Variants in RBM25 observed in about 807,000 individuals in gnomAD.
RBM25 encodes RNA-binding protein 25.
A neutral mutation model predicts 120.7 loss-of-function variants in RBM25; 19 were observed. The observed-to-expected ratio is 0.16, with a 90% CI of 0.11 to 0.23. RBM25 has a LOEUF of 0.23. Among genes scored for constraint, RBM25 ranks in the 10% least tolerant of loss-of-function variants. The pLI is 1.00. For missense variants in RBM25, 605 were observed against 1,041.5 expected, an observed-to-expected ratio of 0.58 and a Z score of 5.77; for synonymous variants, 390 against 326.7, an observed-to-expected ratio of 1.19 and a Z score of -2.09.
At chr14:73,112,481 A>G (rs904356452) in intron 17 of RBM25, among the ~76,000 whole-genome samples, 1 of 152,068 alleles carries the variant, frequency 6.6e-6, no homozygotes, top group Non-Finnish European at 1.5e-5. Context: ...ATCCAACTTC[A>G]GACTCCTCAC....
At chr14:73,068,432 T>G in intron 1 of RBM25, 1 of 707,990 alleles carries the variant, frequency 1.4e-6, no homozygotes. Context: ...CTGAGACTTA[T>G]TCAGACTACC....
At chr14:73,110,619 G>T (rs1896291804) in intron 14 of RBM25, among the ~76,000 whole-genome samples, 1 of 151,998 alleles carries the variant, frequency 6.6e-6, no homozygotes, top group South Asian at 2.1e-4. Flanking sequence ...AGTAAAGACA[G>T]CGTTTCACCA....
intron 1 of RBM25, among the ~76,000 whole-genome samples, chr14:73,067,624 AAC>A (rs888788962): frequency 6.2e-5 from 8 of 128,354 alleles, no homozygotes; most frequent in African/African-American, 2.4e-4. Flanking sequence ...TTTTTTTTGA[AAC>A]AGAGTCTCGC....
intron 1 of RBM25, chr14:73,065,203 C>T (rs1449091796): frequency 7.0e-6 from 1 of 141,940 alleles, no homozygotes; most frequent in Non-Finnish European, 1.6e-5. Flanking sequence ...GATCTCGGCT[C>T]ACTGCAACCT....
In RBM25 at chr14:73,079,980, G is replaced by A. The variant is rs147051065; in HGVS notation, c.324+2444G>A. 2.3e-3 allele frequency among the ~76,000 whole-genome samples: 342 copies of A among 150,422 alleles called. 6 individuals carry two copies. Among genetic ancestry groups the A allele is most frequent in the African/African-American group, 7.8e-3 (321 of 41,320 alleles). ...TTCAGGAAAGTCAGAAGGTACTGGA[G>A]TATAGAAATGTGTTTGCTCCTGTCT... On this transcript the variant is annotated intron_variant, in intron 4 of 18. Coordinates refer to ENST00000261973, the MANE Select transcript of RBM25 (RefSeq NM_021239.3).
At chr14:73,107,483 T>G (rs377036075) in intron 12 of RBM25, 16 of 230,882 alleles carry the variant, frequency 6.9e-5, no homozygotes, top group South Asian at 2.4e-4. Context: ...TGTAGAGAGA[T>G]AGCTGCACAG....
At chr14:73,104,311 C>T (rs362426) in intron 10 of RBM25, among the ~76,000 whole-genome samples, 1,724 of 151,664 alleles carry the variant, frequency 0.011, 30 homozygotes, top group African/African-American at 0.037. Flanking sequence ...ACCTCTGGCT[C>T]CTAGTAATTT....
At chr14:73,094,705 T>G (rs1305230087) in intron 6 of RBM25, among the ~76,000 whole-genome samples, 1 of 152,146 alleles carries the variant, frequency 6.6e-6, no homozygotes, top group Non-Finnish European at 1.5e-5. Context: ...TTTGTATTTT[T>G]TTAGTAGAGA....
chr14:73,107,666 G>A (rs562222304), intron 12 of RBM25, 160 bp from the exon 13 acceptor site: 2 of 609,532 alleles, frequency 3.3e-6, no homozygotes, highest in East Asian at 5.9e-5. Context: ...TATTGAAACG[G>A]CCATGTTTGT....
At chr14:73,107,712 C>T (rs1267311498) in intron 12 of RBM25, 114 bp from the exon 13 acceptor site, 14 of 743,916 alleles carry the variant, frequency 1.9e-5, no homozygotes, top group Non-Finnish European at 3.2e-5. Context: ...CTATAAGTCT[C>T]CCTCTTACTC....
Position 73,111,052 on chromosome 14 carries a change from T to G in RBM25, c.1914T>G (p.Pro638=). The G allele has an allele frequency of 6.2e-7, 1 of 1,614,172 alleles. No homozygotes were observed. The highest frequency in any genetic ancestry group is 1.1e-5 in the South Asian group (1 of 91,078). Residue 638 remains proline, a synonymous_variant, in exon 15 of 19, where the codon CCT becomes CCG. Coordinates refer to ENST00000261973, the MANE Select transcript of RBM25 (RefSeq NM_021239.3). The stretch of plus-strand genomic sequence containing the variant: ...GTGGCAATGCAACACCTAACACTCC[T>G]GGGGATGAGTCTCCCTGTGGTATTA... ...SASGNATPNT[P]GDESPCGIII...
At chr14:73,074,383 C>G (rs1020032148) in intron 2 of RBM25, among the ~76,000 whole-genome samples, 1 of 152,092 alleles carries the variant, frequency 6.6e-6, no homozygotes, top group Non-Finnish European at 1.5e-5. Context: ...CCATGACTGA[C>G]TCAGATCCGT....
At chr14:73,095,211 C>A (rs1460602528) in intron 6 of RBM25, among the ~76,000 whole-genome samples, 1 of 151,980 alleles carries the variant, frequency 6.6e-6, no homozygotes, top group African/African-American at 2.4e-5. Flanking sequence ...TGTGTCATAA[C>A]CCATCTGTTA....
intron 1 of RBM25, among the ~76,000 whole-genome samples, chr14:73,062,064 G>A (rs115914183): frequency 0.022 from 3,298 of 151,326 alleles, 152 homozygotes; most frequent in African/African-American, 0.072. Flanking sequence ...GATCAGTAGC[G>A]TGCTGCAGCC....
In RBM25 at chr14:73,111,025, C is replaced by G; in HGVS notation, c.1887C>G (p.Ala629=). Reference sequence around the variant, plus strand: ...GCTCTGCTCCATCTGTTTCCTCTGCCAGTGGCAATGCAACACCTAACACTC... The same window carrying G: ...GCTCTGCTCCATCTGTTTCCTCTGCGAGTGGCAATGCAACACCTAACACTC... ...PISSAPSVSS[A]SGNATPNTPG... is the part of the protein sequence containing the mutation. Residue 629 remains alanine (A), a synonymous_variant, in exon 15 of 19, where the codon GCC becomes GCG. Coordinates refer to ENST00000261973, the MANE Select transcript of RBM25 (RefSeq NM_021239.3). 6.2e-7 allele frequency: 1 copy of G among 1,614,162 alleles called. No individual in the cohort carries two copies. The highest frequency in any genetic ancestry group is 8.5e-7 in the Non-Finnish European group (1 of 1,180,036).
At position 73,115,185 on chromosome 14, in the gene RBM25, TG is replaced by T. The variant is rs879343594; in HGVS notation, c.2439+853del. ...GTGTGTGTGTGTGTGTGTGTGTGTG[TG>T]TGTTTTAAGTCGGATACATGTGCAG... is the stretch of plus-strand genomic sequence containing the variant. On this transcript the variant is annotated intron_variant, in intron 18 of 18. Transcript: ENST00000261973. Among the ~76,000 whole-genome samples, 997 of 150,988 alleles carry T rather than the reference TG, an allele frequency of 6.6e-3. 4 individuals carry two copies. The highest frequency in any genetic ancestry group is 0.011 in the Non-Finnish European group (728 of 67,892).
At chr14:73,060,255 T>C (rs1894972220) in intron 1 of RBM25, among the ~76,000 whole-genome samples, 1 of 151,324 alleles carries the variant, frequency 6.6e-6, no homozygotes, top group African/African-American at 2.4e-5. Context: ...GCCAGAATGG[T>C]CTCGATTTCC....
At chr14:73,087,738 A>G (rs866211549) in intron 5 of RBM25, among the ~76,000 whole-genome samples, 1 of 152,286 alleles carries the variant, frequency 6.6e-6, no homozygotes, top group Middle Eastern at 3.4e-3. Flanking sequence ...TCTGCTAAAT[A>G]TTTTATTAGA....
intron 1 of RBM25, among the ~76,000 whole-genome samples, chr14:73,060,399 CAG>C (rs1184966344): frequency 6.6e-6 from 1 of 151,430 alleles, no homozygotes; most frequent in Non-Finnish European, 1.5e-5. Context: ...TCAGACCTAA[CAG>C]GAATTTGGAA....
Sources: gnomAD v4.1 joint callset for allele counts (sites outside exome capture counted in the v4.1 genomes callset) on GRCh38, gnomAD v4.1.1 for gene constraint, MANE v1.5 for transcripts, NCBI Gene and HGNC (gene_info 2026-07-23, HGNC 2026-07-21) for gene names.